FAM185A: variants seen among roughly 807,000 people sequenced by gnomAD.
The protein encoded by FAM185A is family with sequence similarity 185 member A, also known as protein FAM185A.
In FAM185A, 21 loss-of-function variants were observed where a neutral mutation model predicts 45.7. The observed-to-expected ratio is 0.46, with a 90% CI of 0.33 to 0.66. The LOEUF (loss-of-function observed/expected upper bound fraction) is 0.66. Ranked by LOEUF, FAM185A falls within the 30% of genes least tolerant of loss-of-function variation. FAM185A has a pLI of 0.03. For missense variants in FAM185A, 305 were observed against 485.4 expected (o/e 0.63, Z 3.49); for synonymous variants, 117 against 194.0 (o/e 0.60, Z 3.30).
intron 4 of FAM185A, among the ~76,000 whole-genome samples, chr7:102,764,644 A>G (rs1794283033): frequency 6.8e-6 from 1 of 146,548 alleles, no homozygotes; most frequent in South Asian, 2.3e-4. Flanking sequence ...TATTTTGGCT[A>G]TATTTAAATA....
At chr7:102,821,318 G>A in the FAM185A span, among the ~76,000 whole-genome samples, 3 of 152,126 alleles carry the variant, frequency 2.0e-5, no homozygotes, top group Non-Finnish European at 4.4e-5. Context: ...CTGCAGGCCT[G>A]GGCCCAGTGG....
chr7:102,816,463 C>T, the FAM185A span, among the ~76,000 whole-genome samples: 1 of 152,174 alleles, frequency 6.6e-6, no homozygotes, highest in African/African-American at 2.4e-5. Context: ...CCGTGACTAG[C>T]TGTCCTCACC....
intron 7 of FAM185A, among the ~76,000 whole-genome samples, chr7:102,800,528 G>A (rs558555659): frequency 4.6e-4 from 70 of 152,206 alleles, no homozygotes; most frequent in African/African-American, 1.6e-3. Flanking sequence ...AATATTCAAT[G>A]AAATAGATAG....
intron 2 of FAM185A, among the ~76,000 whole-genome samples, chr7:102,754,287 G>A (rs1243718736): frequency 3.3e-5 from 5 of 151,822 alleles, no homozygotes; most frequent in Non-Finnish European, 1.5e-5. Context: ...TGCAACCTCC[G>A]CCTCCTGGGT....
At position 102,808,776 on chromosome 7, in the gene FAM185A, T is replaced by G. The variant is rs979662724; in HGVS notation, c.*374T>G. 1.1e-5 allele frequency: 2 copies of G among 188,810 alleles called. No individual in the cohort carries two copies. Among genetic ancestry groups the G allele is most frequent in the Non-Finnish European group, 2.2e-5 (2 of 90,274 alleles). 11.7% of individuals were successfully genotyped at this position (188,810 alleles called of 1,614,324 possible). A position where few individuals can be genotyped will look rare whatever the true frequency, so the allele number is the denominator to read the frequency against. ...TTGGGAAAATCCAGTTCCTTGTGAC[T>G]GGATGACTGAGGTCTCCATTTTCTT... On this transcript the variant is annotated 3_prime_UTR_variant, in exon 8 of 8. Coordinates refer to ENST00000413034, the MANE Select transcript of FAM185A (RefSeq NM_001145268.2).
rs535069519 is a variant in FAM185A at position 102,785,367 on chromosome 7, G to A, written c.932-1968G>A. ...ATGGAACCAAAAAAGAGCCCGCATC[G>A]CCAAGTCAATCCTAAGCCAAAAGAA... is the stretch of plus-strand genomic sequence containing the variant. On this transcript the variant is annotated intron_variant, in intron 6 of 7. Transcript: ENST00000413034. 1.1e-4 allele frequency among the ~76,000 whole-genome samples: 16 copies of A among 149,512 alleles called. No individual in the cohort carries two copies. In the South Asian group the frequency reaches 1.3e-3, roughly 12 times the overall value.
chr7:102,801,243 A>T (rs570365621), intron 7 of FAM185A, among the ~76,000 whole-genome samples: 49 of 152,350 alleles, frequency 3.2e-4, no homozygotes, highest in African/African-American at 1.2e-3. Flanking sequence ...ATCTTAAAAC[A>T]AATCCTGGAA....
chr7:102,769,717 T>C (rs1794635520), intron 4 of FAM185A, among the ~76,000 whole-genome samples: 4 of 151,532 alleles, frequency 2.6e-5, no homozygotes, highest in African/African-American at 9.8e-5. Flanking sequence ...CTGAGAAGTC[T>C]GAGGTCTAGG....
chr7:102,807,405 T>TA (rs1797185423), intron 7 of FAM185A, among the ~76,000 whole-genome samples: 1 of 152,180 alleles, frequency 6.6e-6, no homozygotes, highest in Non-Finnish European at 1.5e-5. Flanking sequence ...AGACTGCATT[T>TA]AAAAATAATA....
the FAM185A span, among the ~76,000 whole-genome samples, chr7:102,825,655 C>T: frequency 6.6e-6 from 1 of 152,150 alleles, no homozygotes; most frequent in African/African-American, 2.4e-5. Context: ...ATCTATAATG[C>T]TATCTACAAT....
chr7:102,790,745 TTG>T (rs1796092110), intron 7 of FAM185A, among the ~76,000 whole-genome samples: 1 of 152,248 alleles, frequency 6.6e-6, no homozygotes, highest in African/African-American at 2.4e-5. Flanking sequence ...TCTATTGTTC[TTG>T]TGCATTTCTA....
the FAM185A span, among the ~76,000 whole-genome samples, chr7:102,824,928 T>G: frequency 6.6e-6 from 1 of 152,034 alleles, no homozygotes; most frequent in Non-Finnish European, 1.5e-5. Context: ...CTCGCTTTCA[T>G]CTTGCTTTTT....
intron 4 of FAM185A, among the ~76,000 whole-genome samples, chr7:102,770,657 T>A (rs1470926403): frequency 1.3e-5 from 2 of 151,948 alleles, no homozygotes; most frequent in Non-Finnish European, 2.9e-5. Flanking sequence ...CAATGAGATA[T>A]CATCTCACAC....
intron 4 of FAM185A, among the ~76,000 whole-genome samples, chr7:102,761,659 C>G (rs945393430): frequency 2.6e-5 from 4 of 151,354 alleles, no homozygotes; most frequent in African/African-American, 9.7e-5. Flanking sequence ...ATTTTTAATG[C>G]ATTTCTTTTT....
Position 102,749,076 on chromosome 7 carries a change from C to T in FAM185A, c.-132C>T. 2.9e-6 allele frequency: 4 copies of T among 1,367,102 alleles called. No homozygotes were observed. Among genetic ancestry groups the T allele is most frequent in the East Asian group, 5.0e-5 (2 of 40,110 alleles). 84.7% of individuals were successfully genotyped at this position (1,367,102 alleles called of 1,614,324 possible). A position where few individuals can be genotyped will look rare whatever the true frequency, so the allele number is the denominator to read the frequency against. ...ACGCCTAGTCAAGCCAACCGGCTCG[C>T]TCTTGTTTCAGCAAACCCTGACTTA... is the stretch of plus-strand genomic sequence containing the variant. On this transcript the variant is annotated 5_prime_UTR_variant, in exon 1 of 8. Coordinates refer to ENST00000413034, the MANE Select transcript of FAM185A (RefSeq NM_001145268.2).
chr7:102,773,458 G>A (rs1377463369), intron 5 of FAM185A, among the ~76,000 whole-genome samples: 1 of 152,098 alleles, frequency 6.6e-6, no homozygotes, highest in Non-Finnish European at 1.5e-5. Flanking sequence ...TTCTACTGTT[G>A]ATGGACACCT....
chr7:102,761,042 A>G (rs1794080215), intron 3 of FAM185A, among the ~76,000 whole-genome samples: 1 of 152,190 alleles, frequency 6.6e-6, no homozygotes, highest in East Asian at 1.9e-4. Flanking sequence ...ATTAAGAGAA[A>G]TTAAAGGAGA....
At chr7:102,846,409 G>C in the FAM185A span, among the ~76,000 whole-genome samples, 1 of 152,114 alleles carries the variant, frequency 6.6e-6, no homozygotes, top group Non-Finnish European at 1.5e-5. Flanking sequence ...CCTGAGGTCA[G>C]GGGTTCAAGA....
At chr7:102,826,724 C>CATATATATATATAT in the FAM185A span, among the ~76,000 whole-genome samples, 15 of 62,704 alleles carry the variant, frequency 2.4e-4, no homozygotes, top group South Asian at 8.0e-4. Flanking sequence ...GACCCTGTCT[C>CATATATATATATAT]ATATATATAT....
Sources: gnomAD v4.1 joint callset for allele counts (sites outside exome capture counted in the v4.1 genomes callset) on GRCh38, gnomAD v4.1.1 for gene constraint, MANE v1.5 for transcripts, NCBI Gene and HGNC (gene_info 2026-07-23, HGNC 2026-07-21) for gene names.